Variants in AGBL4 observed in about 807,000 individuals in gnomAD.
AGBL4 encodes AGBL carboxypeptidase 4.
A neutral mutation model predicts 66.4 loss-of-function variants in AGBL4; 58 were observed. The observed-to-expected ratio is 0.87, with a 90% CI of 0.71 to 1.09. The LOEUF (loss-of-function observed/expected upper bound fraction) is 1.09. Ranked by LOEUF, AGBL4 falls within the 50% of genes least tolerant of loss-of-function variation. AGBL4 has a pLI of 0.00. For synonymous variants in AGBL4, 234 were observed against 222.9 expected, an observed-to-expected ratio of 1.05 and a Z score of -0.44; for missense variants, 579 against 631.0, an observed-to-expected ratio of 0.92 and a Z score of 0.88.
intron 2 of AGBL4, among the ~76,000 whole-genome samples, chr1:49,833,469 G>A (rs1303253910): frequency 7.2e-5 from 11 of 152,080 alleles, no homozygotes; most frequent in South Asian, 2.1e-4. Flanking sequence ...TTGACTTGGC[G>A]ATGCGGGCTC....
chr1:49,928,345 G>A (rs1653001834), intron 1 of AGBL4, among the ~76,000 whole-genome samples: 1 of 152,068 alleles, frequency 6.6e-6, no homozygotes, highest in Admixed American at 6.6e-5. Flanking sequence ...CTGCCACCCG[G>A]GTTCAAGCAA....
At chr1:49,332,158 A>G (rs766532688) in intron 3 of AGBL4, among the ~76,000 whole-genome samples, 7 of 152,160 alleles carry the variant, frequency 4.6e-5, no homozygotes, top group Non-Finnish European at 7.3e-5. Context: ...GAAAATGTCT[A>G]CTTATTCAGG....
intron 4 of AGBL4, among the ~76,000 whole-genome samples, chr1:49,047,280 G>A (rs1644103482): frequency 6.6e-6 from 1 of 152,078 alleles, no homozygotes; most frequent in African/African-American, 2.4e-5. Flanking sequence ...GGTCTAAGGT[G>A]GGTAAGAATC....
intron 3 of AGBL4, among the ~76,000 whole-genome samples, chr1:49,569,912 A>T (rs1644292837): frequency 6.6e-6 from 1 of 152,116 alleles, no homozygotes; most frequent in African/African-American, 2.4e-5. Flanking sequence ...AAAAGACATG[A>T]TTTCATTCTT....
At chr1:48,911,477 A>G (rs900563426) in intron 5 of AGBL4, among the ~76,000 whole-genome samples, 1 of 151,830 alleles carries the variant, frequency 6.6e-6, no homozygotes, top group African/African-American at 2.4e-5. Context: ...AAAATTAGCC[A>G]GGCGTGGTGG....
intron 4 of AGBL4, among the ~76,000 whole-genome samples, chr1:49,120,276 T>C (rs893753730): frequency 6.6e-6 from 1 of 152,206 alleles, no homozygotes; most frequent in African/African-American, 2.4e-5. Flanking sequence ...GCATTGATGG[T>C]CTTTACAATT....
At chr1:48,608,589 G>A (rs1447248878) in intron 9 of AGBL4, among the ~76,000 whole-genome samples, 2 of 151,972 alleles carry the variant, frequency 1.3e-5, no homozygotes, top group African/African-American at 2.4e-5. Flanking sequence ...ATGGATGGAC[G>A]GATGGATAGA....
At chr1:48,930,197 G>A (rs1654923369) in intron 5 of AGBL4, among the ~76,000 whole-genome samples, 1 of 151,902 alleles carries the variant, frequency 6.6e-6, no homozygotes, top group Non-Finnish European at 1.5e-5. Context: ...TTAGACACGT[G>A]TAAGGGATTA....
intron 9 of AGBL4, among the ~76,000 whole-genome samples, chr1:48,633,451 T>TC (rs1030513625): frequency 6.6e-6 from 1 of 152,140 alleles, no homozygotes; most frequent in African/African-American, 2.4e-5. Context: ...CAGTCATGGG[T>TC]CATAAAATCA....
intron 3 of AGBL4, among the ~76,000 whole-genome samples, chr1:49,460,904 T>C (rs934572115): frequency 6.6e-6 from 1 of 151,868 alleles, no homozygotes; most frequent in African/African-American, 2.4e-5. Flanking sequence ...TTGTTTTGTT[T>C]TAGGAGGCTA....
At chr1:48,807,274 G>A (rs959116832) in intron 6 of AGBL4, among the ~76,000 whole-genome samples, 2 of 152,178 alleles carry the variant, frequency 1.3e-5, no homozygotes, top group African/African-American at 4.8e-5. Context: ...ACAAGCATGG[G>A]TACTCTGTAC....
At chr1:48,763,199 T>G (rs781473923) in intron 6 of AGBL4, among the ~76,000 whole-genome samples, 2 of 152,196 alleles carry the variant, frequency 1.3e-5, no homozygotes, top group Non-Finnish European at 2.9e-5. Flanking sequence ...TGGTCTTTGT[T>G]AATAACCCCT....
At chr1:48,530,798 CT>C (rs1376712364), downstream of AGBL4, among the ~76,000 whole-genome samples, 1 of 152,186 alleles carries the variant, frequency 6.6e-6, no homozygotes, top group Non-Finnish European at 1.5e-5. Flanking sequence ...CTCACCCCTA[CT>C]TTTTGCATAG....
At chr1:49,405,737 C>A (rs116958630) in intron 3 of AGBL4, among the ~76,000 whole-genome samples, 1 of 152,142 alleles carries the variant, frequency 6.6e-6, no homozygotes, top group Non-Finnish European at 1.5e-5. Flanking sequence ...CTCAGATCTA[C>A]GTTTTTATCA....
chr1:49,586,290 A>G (rs778356935), intron 3 of AGBL4, among the ~76,000 whole-genome samples: 5 of 152,182 alleles, frequency 3.3e-5, no homozygotes, highest in Non-Finnish European at 7.4e-5. Flanking sequence ...AATTTGCTGG[A>G]TTCAAAGCAT....
At chr1:49,839,951 A>G (rs1356474937) in intron 2 of AGBL4, among the ~76,000 whole-genome samples, 1 of 152,190 alleles carries the variant, frequency 6.6e-6, no homozygotes. Context: ...AGCAATACAT[A>G]TAATTCAGGA....
chr1:49,303,434 C>G (rs1644791153), intron 3 of AGBL4, among the ~76,000 whole-genome samples: 1 of 117,378 alleles, frequency 8.5e-6, no homozygotes, highest in Non-Finnish European at 1.7e-5. Flanking sequence ...TTCATGTTTG[C>G]TGGCTGCATA....
intron 2 of AGBL4, among the ~76,000 whole-genome samples, chr1:49,829,063 C>G (rs954683395): frequency 1.4e-5 from 2 of 146,044 alleles, no homozygotes; most frequent in Non-Finnish European, 3.0e-5. Context: ...AGTGAGACTC[C>G]GTCTCAAAAA....
intron 4 of AGBL4, among the ~76,000 whole-genome samples, chr1:49,170,049 G>A (rs1001277091): frequency 1.3e-5 from 2 of 151,806 alleles, no homozygotes; most frequent in Non-Finnish European, 2.9e-5. Context: ...CACAACTCAC[G>A]TGATGGATGC....
Sources: allele counts gnomAD v4.1 joint callset (sites outside exome capture counted in the v4.1 genomes callset), GRCh38; gene constraint gnomAD v4.1.1; transcripts MANE v1.5; gene names NCBI Gene and HGNC (gene_info 2026-07-23, HGNC 2026-07-21).